Variants in TMEM117 observed in about 807,000 individuals in gnomAD.
TMEM117 encodes the protein transmembrane protein 117.
TMEM117 carries 27 observed loss-of-function variants against 52.4 expected under a neutral mutation model. The ratio of observed to expected loss-of-function variants is 0.51; its 90% CI spans 0.38 to 0.71. The LOEUF (loss-of-function observed/expected upper bound fraction) is 0.71, where lower values mean the gene tolerates loss of function less well. TMEM117 is among the 30% of genes least tolerant of loss of function. TMEM117 has a pLI of 0.00. For synonymous variants in TMEM117, 215 were observed against 206.3 expected (o/e 1.04, Z -0.36); for missense variants, 556 against 630.5 (o/e 0.88, Z 1.26).
chr12:44,078,990 G>A (rs1947432617), intron 3 of TMEM117, among the ~76,000 whole-genome samples: 1 of 151,584 alleles, frequency 6.6e-6, no homozygotes, highest in Admixed American at 6.6e-5. Context: ...GTGTTAGTTT[G>A]TTGAGAATGA....
At chr12:44,398,907 C>T in the TMEM117 span, among the ~76,000 whole-genome samples, 1 of 151,952 alleles carries the variant, frequency 6.6e-6, no homozygotes, top group Admixed American at 6.6e-5. Context: ...TGTATCTTTC[C>T]CTCTAGTTAT....
At chr12:43,945,044 G>A (rs201077466) in intron 3 of TMEM117, among the ~76,000 whole-genome samples, 2 of 151,894 alleles carry the variant, frequency 1.3e-5, no homozygotes, top group South Asian at 4.1e-4. Context: ...CCAGGAAGCG[G>A]AGGTTGCAGT....
the TMEM117 span, among the ~76,000 whole-genome samples, chr12:43,809,127 A>G: frequency 0.076 from 11,509 of 152,252 alleles, 609 homozygotes; most frequent in Middle Eastern, 0.16. Context: ...CATAGAAGAG[A>G]CTATGATGCG....
At chr12:44,102,265 A>G (rs981754782) in intron 3 of TMEM117, among the ~76,000 whole-genome samples, 2 of 152,010 alleles carry the variant, frequency 1.3e-5, no homozygotes, top group Admixed American at 1.3e-4. Flanking sequence ...TTCCCACATT[A>G]AGGGAATCGG....
chr12:43,802,968 C>G, the TMEM117 span, among the ~76,000 whole-genome samples: 1 of 152,160 alleles, frequency 6.6e-6, no homozygotes, highest in East Asian at 1.9e-4. Context: ...GGTATAGCCA[C>G]TTTGAAATGG....
At chr12:44,260,832 A>G (rs1282301828) in intron 5 of TMEM117, among the ~76,000 whole-genome samples, 1 of 152,208 alleles carries the variant, frequency 6.6e-6, no homozygotes, top group Non-Finnish European at 1.5e-5. Context: ...GGAGAGGCAG[A>G]TGGGCATAAA....
At position 43,970,148 on chromosome 12, in the gene TMEM117, G is replaced by A. The variant is rs560113636; in HGVS notation, c.410+25806G>A. On this transcript the variant is annotated intron_variant, in intron 3 of 7. Transcript: ENST00000266534. Reference sequence around the variant, plus strand: ...CAGGAGGCAGGTCTCGGTTATCACCGTCTTGGTTATCAGATTGACTGTCAA... The same window carrying A: ...CAGGAGGCAGGTCTCGGTTATCACCATCTTGGTTATCAGATTGACTGTCAA... Among the ~76,000 whole-genome samples, 11 of 152,216 alleles carry A rather than the reference G, an allele frequency of 7.2e-5. No homozygotes were observed. The East Asian group carries it at 9.7e-4, about 13-fold the overall frequency.
chr12:44,178,271 C>G (rs1949143443), intron 4 of TMEM117, among the ~76,000 whole-genome samples: 1 of 152,178 alleles, frequency 6.6e-6, no homozygotes, highest in South Asian at 2.1e-4. Flanking sequence ...TGTCATATAA[C>G]TCTTGTCACT....
chr12:44,261,626 T>C (rs917561746), intron 5 of TMEM117, among the ~76,000 whole-genome samples: 11 of 152,188 alleles, frequency 7.2e-5, no homozygotes, highest in Admixed American at 2.6e-4. Flanking sequence ...ACAGTCCAAT[T>C]TGAATAATAG....
Position 43,944,294 on chromosome 12 carries a change from T to C in TMEM117, c.362T>C (p.Ile121Thr). Residue 121 changes from isoleucine to threonine, a missense_variant, in exon 3 of 8, where the codon ATA becomes ACA. Ile to Thr is a moderately conservative substitution (Grantham distance 89). Transcript: ENST00000266534. ...MFFSTILFLF[I>T]FSHIYNTILL... ...TTCAGCACAATTCTCTTTCTCTTCA[T>C]ATTTTCTCACATATACAACACGATT... is the stretch of plus-strand genomic sequence containing the variant. 6.2e-7 allele frequency: 1 copy of C among 1,613,220 alleles called. No homozygotes were observed. Among genetic ancestry groups the C allele is most frequent in the Non-Finnish European group, 8.5e-7 (1 of 1,179,278 alleles).
chr12:43,933,092 G>A (rs1052343608), intron 2 of TMEM117, among the ~76,000 whole-genome samples: 5 of 152,048 alleles, frequency 3.3e-5, no homozygotes, highest in African/African-American at 7.2e-5. Flanking sequence ...TTAATATAAT[G>A]CCTGAAGTTA....
chr12:43,819,557 G>T, the TMEM117 span, among the ~76,000 whole-genome samples: 1 of 152,084 alleles, frequency 6.6e-6, no homozygotes, highest in African/African-American at 2.4e-5. Flanking sequence ...GGCGGATCAC[G>T]AGGTCAAGAG....
At chr12:44,368,035 G>A (rs2138827291) in intron 6 of TMEM117, among the ~76,000 whole-genome samples, 1 of 152,156 alleles carries the variant, frequency 6.6e-6, no homozygotes, top group Middle Eastern at 3.4e-3. Flanking sequence ...TTACCTTGCT[G>A]TTTCTTCAAT....
chr12:44,293,490 G>A (rs142902013), intron 5 of TMEM117, among the ~76,000 whole-genome samples: 1 of 151,918 alleles, frequency 6.6e-6, no homozygotes, highest in African/African-American at 2.4e-5. Flanking sequence ...CTATTCTTCT[G>A]TTCCTTTCTT....
At chr12:44,046,230 A>G (rs924184639) in intron 3 of TMEM117, among the ~76,000 whole-genome samples, 3 of 152,154 alleles carry the variant, frequency 2.0e-5, no homozygotes, top group East Asian at 3.9e-4. Context: ...AGGGAGGAAC[A>G]CTGCCACCAG....
At chr12:44,116,135 C>T (rs1948138873) in intron 3 of TMEM117, among the ~76,000 whole-genome samples, 1 of 152,178 alleles carries the variant, frequency 6.6e-6, no homozygotes, top group South Asian at 2.1e-4. Flanking sequence ...TATTTCAATT[C>T]TTAATTTTCT....
intron 2 of TMEM117, among the ~76,000 whole-genome samples, chr12:43,851,665 A>G (rs1943310546): frequency 6.6e-6 from 1 of 152,244 alleles, no homozygotes; most frequent in African/African-American, 2.4e-5. Flanking sequence ...ACATACATGC[A>G]TAATACAGTA....
At chr12:44,284,773 A>G in intron 5 of TMEM117, among the ~76,000 whole-genome samples, 1 of 152,206 alleles carries the variant, frequency 6.6e-6, no homozygotes, top group South Asian at 2.1e-4. Flanking sequence ...AATAAATGGC[A>G]TAGGCCATCT....
intron 3 of TMEM117, among the ~76,000 whole-genome samples, chr12:44,141,763 G>A (rs1177774761): frequency 1.3e-5 from 2 of 152,122 alleles, no homozygotes; most frequent in African/African-American, 2.4e-5. Flanking sequence ...GCTACACCAA[G>A]TTGTCCAAGT....
Sources: allele counts gnomAD v4.1 joint callset (sites outside exome capture counted in the v4.1 genomes callset), GRCh38; gene constraint gnomAD v4.1.1; transcripts MANE v1.5; gene names NCBI Gene and HGNC (gene_info 2026-07-23, HGNC 2026-07-21).